Variants in ATP2C2 observed in about 807,000 individuals in gnomAD.
ATP2C2 encodes the protein ATPase secretory pathway Ca2+ transporting 2, also known as calcium-transporting ATPase type 2C member 2.
In ATP2C2, 171 loss-of-function variants were observed where a neutral mutation model predicts 110.8. The observed-to-expected ratio is 1.54, with a 90% CI of 1.36 to 1.75. ATP2C2 has a LOEUF of 1.75. ATP2C2 is among the 40% of genes most tolerant of loss of function. The pLI is 0.00. For synonymous variants in ATP2C2, 804 were observed against 508.4 expected, an observed-to-expected ratio of 1.58 and a Z score of -7.82; for missense variants, 1,963 against 1,235.0, an observed-to-expected ratio of 1.59 and a Z score of -8.84.
chr16:84,462,270 C>T (rs1344534460), intron 26 of ATP2C2, 141 bp downstream of exon 26: 11 of 1,120,264 alleles, frequency 9.8e-6, no homozygotes, highest in African/African-American at 3.1e-5. Context: ...CTTCAGGGCC[C>T]TTCTGTCCTC....
In ATP2C2 at chr16:84,418,565, C is replaced by G. The variant is rs185742907; in HGVS notation, c.624+2974C>G. Reference sequence around the variant, plus strand: ...TTGTTCTCCCAACACCCTTAAGAGACCAGCACTGTTATTTTTCCTCTGCGT... The same window carrying G: ...TTGTTCTCCCAACACCCTTAAGAGAGCAGCACTGTTATTTTTCCTCTGCGT... On this transcript the variant is annotated intron_variant, in intron 7 of 26. Coordinates refer to ENST00000262429, the MANE Select transcript of ATP2C2 (RefSeq NM_014861.4). 9.2e-5 allele frequency among the ~76,000 whole-genome samples: 14 copies of G among 152,360 alleles called. No homozygotes were observed. The East Asian group carries it at 2.5e-3, about 27-fold the overall frequency.
At chr16:84,454,333 C>G (rs1308760344) in intron 20 of ATP2C2, among the ~76,000 whole-genome samples, 2 of 152,178 alleles carry the variant, frequency 1.3e-5, no homozygotes, top group African/African-American at 2.4e-5. Context: ...GCTTGGTTTT[C>G]TCGCCTGTGC....
intron 7 of ATP2C2, among the ~76,000 whole-genome samples, chr16:84,417,920 A>G (rs942392384): frequency 6.6e-6 from 1 of 152,154 alleles, no homozygotes; most frequent in Admixed American, 6.5e-5. Context: ...ACATTTTAAA[A>G]CCATTTTGGT....
intron 1 of ATP2C2, among the ~76,000 whole-genome samples, chr16:84,376,622 C>T (rs867419852): frequency 4.9e-4 from 75 of 152,114 alleles, no homozygotes; most frequent in African/African-American, 1.5e-3. Context: ...CAATGTGGCC[C>T]AGGGAAGCCA....
At chr16:84,400,518 G>A (rs543387113) in intron 2 of ATP2C2, among the ~76,000 whole-genome samples, 1 of 152,012 alleles carries the variant, frequency 6.6e-6, no homozygotes, top group South Asian at 2.1e-4. Context: ...TAGTAGAGAC[G>A]GGGTTTCACC....
rs1906738800 is a variant in ATP2C2, at chr16:84,415,379, TA to T, written c.516-100del. ...CCAAAGGCACAGGGTTGGTGTATATTAAAAGAGAAAAGTGTGTTTCTATTCT... is the reference window on the plus strand; with the variant it reads ...CCAAAGGCACAGGGTTGGTGTATATTAAAGAGAAAAGTGTGTTTCTATTCT... On this transcript the variant is annotated intron_variant, in intron 6 of 26. Coordinates refer to ENST00000262429, the MANE Select transcript of ATP2C2 (RefSeq NM_014861.4). 7 of 963,074 alleles carry T rather than the reference TA, an allele frequency of 7.3e-6. No homozygotes were observed. The South Asian group carries it at 7.9e-5, about 11-fold the overall frequency. 59.7% of individuals were successfully genotyped at this position (963,074 alleles called of 1,614,324 possible).
chr16:84,440,946 A>G lies in ATP2C2; in HGVS notation c.1299A>G (p.Gly433=), dbSNP rs200993008. The G allele has an allele frequency of 7.4e-5, 120 of 1,611,704 alleles. No individual in the cohort carries two copies. Among genetic ancestry groups the G allele is most frequent in the Admixed American group, 1.7e-4 (10 of 59,876 alleles). ...AGGAATTTTCCAATGTCTCAGTGGG[A>G]AAGTTAGTGGAGGTAGGTGTCAAAA... is the stretch of plus-strand genomic sequence containing the variant. ...VIKEFSNVSV[G]KLVEAGCVAN... is the part of the protein sequence containing the mutation. Residue 433 remains glycine, a synonymous_variant, in exon 14 of 27, where the codon GGA becomes GGG. Coordinates refer to ENST00000262429, the MANE Select transcript of ATP2C2 (RefSeq NM_014861.4).
chr16:84,407,045 T>C (rs542742694), intron 3 of ATP2C2: 9 of 152,452 alleles, frequency 5.9e-5, no homozygotes, highest in African/African-American at 2.2e-4. Context: ...GGAATCCTTG[T>C]AGGACTGGAC....
chr16:84,402,847 T>C (rs1905422962), intron 2 of ATP2C2, among the ~76,000 whole-genome samples: 2 of 152,194 alleles, frequency 1.3e-5, no homozygotes, highest in Non-Finnish European at 2.9e-5. Flanking sequence ...TTTGGAATTA[T>C]TTAGTAGGAT....
intron 23 of ATP2C2, chr16:84,459,821 A>C: frequency 2.2e-6 from 1 of 461,474 alleles, no homozygotes; most frequent in Non-Finnish European, 4.0e-6. Context: ...CCTTTAGAAC[A>C]TCAGTTTCAT....
intron 1 of ATP2C2, among the ~76,000 whole-genome samples, chr16:84,385,315 A>G (rs1904304421): frequency 6.6e-6 from 1 of 152,196 alleles, no homozygotes; most frequent in South Asian, 2.1e-4. Context: ...TCGCGAGGAC[A>G]GTACTAAGGG....
chr16:84,390,676 C>A (rs923886227), intron 1 of ATP2C2, among the ~76,000 whole-genome samples: 8 of 152,020 alleles, frequency 5.3e-5, no homozygotes, highest in Admixed American at 1.3e-4. Context: ...CTCTGGCGGG[C>A]GGTGAAAGTG....
intron 1 of ATP2C2, among the ~76,000 whole-genome samples, chr16:84,391,774 G>A (rs1047595873): frequency 1.3e-5 from 2 of 152,156 alleles, no homozygotes; most frequent in Admixed American, 6.5e-5. Flanking sequence ...TTAAGCCACC[G>A]AGTTTGTGTT....
chr16:84,453,027 C>T (rs535243005), intron 18 of ATP2C2, 111 bp from the exon 19 acceptor site: 24 of 1,135,560 alleles, frequency 2.1e-5, no homozygotes, highest in South Asian at 1.2e-4. Flanking sequence ...CTCAGTAAAC[C>T]GTCTCCAGCA....
At chr16:84,398,207 A>G (rs6564030) in intron 1 of ATP2C2, among the ~76,000 whole-genome samples, 11,168 of 151,726 alleles carry the variant, frequency 0.074, 889 homozygotes, top group African/African-American at 0.2. Flanking sequence ...TTTGAGACCA[A>G]CCTGGCCAAC....
rs750288947 is a variant in ATP2C2 at position 84,459,321 on chromosome 16, C to T, written c.2268C>T (p.Pro756=). 3.4e-5 allele frequency: 55 copies of T among 1,614,092 alleles called. No homozygotes were observed. The highest frequency in any genetic ancestry group is 4.6e-5 in the Non-Finnish European group (54 of 1,180,042). ...CTCTGTCCACCGTGTTCAACCTGCC[C>T]AGCCCCCTCAACGCCATGCAGATCC... is the stretch of plus-strand genomic sequence containing the variant. ...LITLSTVFNL[P]SPLNAMQILW... Residue 756 remains proline, a synonymous_variant, in exon 23 of 27, where the codon CCC becomes CCT. Transcript: ENST00000262429.
chr16:84,443,682 C>G (rs781727548), intron 15 of ATP2C2, among the ~76,000 whole-genome samples: 2 of 152,196 alleles, frequency 1.3e-5, no homozygotes, highest in African/African-American at 4.8e-5. Flanking sequence ...TTCAGCTTAC[C>G]TGTCCCATCA....
intron 6 of ATP2C2, among the ~76,000 whole-genome samples, chr16:84,412,604 G>C (rs994227821): frequency 3.3e-5 from 5 of 151,940 alleles, no homozygotes; most frequent in African/African-American, 4.8e-5. Context: ...TCACTATGTT[G>C]CTCAGTCTGG....
At chr16:84,408,292 T>C in intron 3 of ATP2C2, 113 bp from the exon 4 acceptor site, 1 of 995,174 alleles carries the variant, frequency 1.0e-6, no homozygotes, top group South Asian at 1.4e-5. Context: ...GGTGTTGACC[T>C]GGAAGCCTGG....
Sources: gnomAD v4.1 joint callset for allele counts (sites outside exome capture counted in the v4.1 genomes callset) on GRCh38, gnomAD v4.1.1 for gene constraint, MANE v1.5 for transcripts, NCBI Gene and HGNC (gene_info 2026-07-23, HGNC 2026-07-21) for gene names.